CASD1: variants seen among roughly 807,000 people sequenced by gnomAD.
CASD1 encodes the protein CAS1 domain sialic acid O acetyltransferase 1, also known as N-acetylneuraminate (7)9-O-acetyltransferase.
CASD1 carries 41 observed loss-of-function variants against 100.0 expected under a neutral mutation model. That is an observed-to-expected ratio of 0.41 (90% CI 0.32 to 0.53). The LOEUF (loss-of-function observed/expected upper bound fraction) is 0.53. Ranked by LOEUF, CASD1 falls within the 20% of genes least tolerant of loss-of-function variation. The pLI, the probability that CASD1 is intolerant of heterozygous loss-of-function variation, is 0.25. For missense variants in CASD1, 774 were observed against 948.7 expected, an observed-to-expected ratio of 0.82 and a Z score of 2.42; for synonymous variants, 321 against 315.6, an observed-to-expected ratio of 1.02 and a Z score of -0.18.
Position 94,555,497 on chromosome 7 carries a change from T to C in CASD1, c.2133T>C (p.Phe711=), listed in dbSNP as rs1229139671. ...TTAAATATTTTTTCTCCTAGCTATT[T>C]ATTTGCCAGTATCACATATGGCTGG... ...AWFGKISLEL[F]ICQYHIWLAA... is the part of the protein sequence containing the mutation. The change falls in exon 18 of 18, where the codon TTT becomes TTC. Residue 711 remains phenylalanine (F), a synonymous_variant. Coordinates refer to ENST00000297273, the MANE Select transcript of CASD1 (RefSeq NM_022900.5). 3.7e-6 allele frequency: 6 copies of C among 1,611,626 alleles called. No homozygotes were observed. The highest frequency in any genetic ancestry group is 3.3e-5 in the Admixed American group (2 of 59,810).
intron 5 of CASD1, among the ~76,000 whole-genome samples, chr7:94,529,923 A>C (rs1794765512): frequency 6.6e-6 from 1 of 152,156 alleles, no homozygotes; most frequent in African/African-American, 2.4e-5. Flanking sequence ...GCCTTATAGA[A>C]GCCTATAGGC....
the CASD1 span, among the ~76,000 whole-genome samples, chr7:94,577,832 A>G: frequency 6.6e-6 from 1 of 152,210 alleles, no homozygotes; most frequent in Non-Finnish European, 1.5e-5. Flanking sequence ...GGTCAAATAA[A>G]GACAACTTTG....
At chr7:94,555,362 G>C (rs1483621237) in intron 17 of CASD1, 130 bp from the exon 18 acceptor site, 1 of 861,148 alleles carries the variant, frequency 1.2e-6, no homozygotes, top group Non-Finnish European at 1.7e-6. Flanking sequence ...GGCCAGTAGT[G>C]AGACAGAATA....
chr7:94,561,919 C>T (rs1224105383), downstream of CASD1, among the ~76,000 whole-genome samples: 3 of 152,152 alleles, frequency 2.0e-5, no homozygotes, highest in African/African-American at 7.2e-5. Context: ...GCAAAGACCG[C>T]CTGGACAGTA....
At chr7:94,633,304 T>G in the CASD1 span, among the ~76,000 whole-genome samples, 1 of 151,988 alleles carries the variant, frequency 6.6e-6, no homozygotes, top group Admixed American at 6.6e-5. Context: ...CATCTCCAAA[T>G]AGCAAGCATA....
the CASD1 span, among the ~76,000 whole-genome samples, chr7:94,567,259 C>A: frequency 6.6e-6 from 1 of 151,974 alleles, no homozygotes; most frequent in Non-Finnish European, 1.5e-5. Context: ...GTTGACTGCT[C>A]TTTATTATAG....
chr7:94,578,096 G>A, the CASD1 span, among the ~76,000 whole-genome samples: 52 of 152,108 alleles, frequency 3.4e-4, no homozygotes, highest in African/African-American at 1.2e-3. Context: ...ACCCACCCTG[G>A]ATTGCTAAAA....
the CASD1 span, chr7:94,585,533 G>A: frequency 4.4e-6 from 7 of 1,582,844 alleles, no homozygotes; most frequent in Middle Eastern, 1.7e-4. Flanking sequence ...GTGTAAGAAT[G>A]AATATGGGCA....
chr7:94,551,376 G>A lies in CASD1; in HGVS notation c.1854G>A (p.Leu618=). 1 of 1,550,882 alleles carries A rather than the reference G, an allele frequency of 6.4e-7. No individual in the cohort carries two copies. Among genetic ancestry groups the A allele is most frequent in the South Asian group, 1.3e-5 (1 of 78,602 alleles). ...FHGMLFAFIY[L]ALQKRQILSE... The stretch of plus-strand genomic sequence containing the variant: ...GAATGCTGTTTGCTTTTATTTATCT[G>A]GCTTTGCAGAAGCGTCAAATACTTT... The change falls in exon 15 of 18, where the codon CTG becomes CTA. Residue 618 remains leucine (L), a synonymous_variant. Coordinates refer to ENST00000297273, the MANE Select transcript of CASD1 (RefSeq NM_022900.5).
intron 7 of CASD1, 124 bp downstream of exon 7, chr7:94,533,926 A>T: frequency 1.1e-6 from 1 of 876,296 alleles, no homozygotes. Context: ...CAAGATTTGC[A>T]AGATTAGAGT....
rs2116135943 is a variant in CASD1 at position 94,509,925 on chromosome 7, C to A, written c.-160C>A. 8.7e-7 allele frequency: 1 copy of A among 1,151,142 alleles called. No homozygotes were observed. Among genetic ancestry groups the A allele is most frequent in the South Asian group, 4.4e-5 (1 of 22,874 alleles). The allele number at this position is 1,151,142 out of a possible 1,614,324, so 71.3% of individuals were successfully genotyped here. Reference sequence around the variant, plus strand: ...AGGGGCAGGCGGAGGTCGGGGGCGCCGCGGCCGCGGGGTCAGGTTCCCCGG... The same window carrying A: ...AGGGGCAGGCGGAGGTCGGGGGCGCAGCGGCCGCGGGGTCAGGTTCCCCGG... On this transcript the variant is annotated 5_prime_UTR_variant, in exon 1 of 18. Transcript: ENST00000297273.
intron 12 of CASD1, 64 bp from the exon 13 acceptor site, chr7:94,547,028 TAGAG>T (rs879052989): frequency 1.1e-6 from 1 of 944,910 alleles, no homozygotes; most frequent in Non-Finnish European, 1.6e-6. Context: ...ATATATCAAA[TAGAG>T]AGTATTTAAT....
intron 13 of CASD1, 38 bp from the exon 14 acceptor site, chr7:94,549,495 G>T (rs747060080): frequency 7.0e-7 from 1 of 1,420,050 alleles, no homozygotes; most frequent in South Asian, 1.2e-5. Context: ...ATATTGACTT[G>T]TACCATCTTA....
At position 94,555,527 on chromosome 7, in the gene CASD1, G is replaced by T; in HGVS notation, c.2163G>T (p.Ala721=). The T allele has an allele frequency of 6.2e-7, 1 of 1,612,968 alleles. No homozygotes were observed. ...GCCAGTATCACATATGGCTGGCAGC[G>T]GACACAAGGGGTATCTTGGTACTGA... ...FICQYHIWLA[A]DTRGILVLIP... is the part of the protein sequence containing the mutation. Residue 721 remains alanine (A), a synonymous_variant, in exon 18 of 18, where the codon GCG becomes GCT. Coordinates refer to ENST00000297273, the MANE Select transcript of CASD1 (RefSeq NM_022900.5).
At chr7:94,581,585 T>C in the CASD1 span, among the ~76,000 whole-genome samples, 2 of 152,214 alleles carry the variant, frequency 1.3e-5, no homozygotes, top group Non-Finnish European at 2.9e-5. Context: ...TGTGTCCGTG[T>C]GTTCTCATTA....
intron 1 of CASD1, among the ~76,000 whole-genome samples, chr7:94,514,875 T>C (rs1266775562): frequency 1.3e-5 from 2 of 152,110 alleles, no homozygotes; most frequent in African/African-American, 4.8e-5. Context: ...TACTAGACAA[T>C]TGAAAATAAC....
chr7:94,578,269 T>C, the CASD1 span, among the ~76,000 whole-genome samples: 1 of 152,322 alleles, frequency 6.6e-6, no homozygotes, highest in South Asian at 2.1e-4. Flanking sequence ...CTACTTCAAA[T>C]GCTTTATTTC....
chr7:94,552,713 G>C (rs570503354), intron 16 of CASD1, among the ~76,000 whole-genome samples: 1 of 152,188 alleles, frequency 6.6e-6, no homozygotes, highest in Non-Finnish European at 1.5e-5. Flanking sequence ...AAGGCCAGTG[G>C]ATCACCTGAG....
chr7:94,519,915 A>G (rs1257804022), intron 3 of CASD1, among the ~76,000 whole-genome samples: 1 of 152,222 alleles, frequency 6.6e-6, no homozygotes, highest in African/African-American at 2.4e-5. Flanking sequence ...TGGATTTGAC[A>G]ATAGGTAGTT....
Sources: gnomAD v4.1 joint callset for allele counts (sites outside exome capture counted in the v4.1 genomes callset) on GRCh38, gnomAD v4.1.1 for gene constraint, MANE v1.5 for transcripts, NCBI Gene and HGNC (gene_info 2026-07-23, HGNC 2026-07-21) for gene names.